Variants in JAKMIP2 observed in about 807,000 individuals in gnomAD.
JAKMIP2 encodes janus kinase and microtubule-interacting protein 2.
In JAKMIP2, 25 loss-of-function variants were observed where a neutral mutation model predicts 115.0. That is an observed-to-expected ratio of 0.22 (90% confidence interval 0.16 to 0.30). The LOEUF (loss-of-function observed/expected upper bound fraction) is 0.30, where lower values mean the gene tolerates loss of function less well. JAKMIP2 is among the 10% of genes least tolerant of loss of function. JAKMIP2 has a pLI of 1.00. For missense variants in JAKMIP2, 642 were observed against 957.6 expected (o/e 0.67, Z 4.35); for synonymous variants, 334 against 343.6 (o/e 0.97, Z 0.31).
At chr5:147,741,107 AC>A (rs1325254719) in intron 1 of JAKMIP2, among the ~76,000 whole-genome samples, 1 of 151,992 alleles carries the variant, frequency 6.6e-6, no homozygotes, top group Non-Finnish European at 1.5e-5. Flanking sequence ...CTGCTGCAAA[AC>A]CCTGATCAAC....
intron 1 of JAKMIP2, among the ~76,000 whole-genome samples, chr5:147,753,362 G>A (rs1442958542): frequency 3.3e-5 from 5 of 152,164 alleles, no homozygotes; most frequent in Admixed American, 6.5e-5. Flanking sequence ...TAGAAACTGA[G>A]GCTTAGAGGA....
chr5:147,602,513 A>G (rs751735694), intron 20 of JAKMIP2, among the ~76,000 whole-genome samples: 1 of 152,084 alleles, frequency 6.6e-6, no homozygotes, highest in Non-Finnish European at 1.5e-5. Flanking sequence ...ATGTTGTTCC[A>G]CCTCCAAGAT....
chr5:147,676,209 G>A (rs943474758), intron 1 of JAKMIP2, among the ~76,000 whole-genome samples: 7 of 152,198 alleles, frequency 4.6e-5, no homozygotes, highest in Non-Finnish European at 8.8e-5. Context: ...GGCGGCCGGC[G>A]CCTGTAGTCC....
At chr5:147,769,756 C>T (rs535088296) in intron 1 of JAKMIP2, among the ~76,000 whole-genome samples, 2 of 150,556 alleles carry the variant, frequency 1.3e-5, no homozygotes, top group South Asian at 4.2e-4. Flanking sequence ...ATCCTATCCT[C>T]CTTGCCTTTT....
intron 2 of JAKMIP2, among the ~76,000 whole-genome samples, chr5:147,665,382 T>G (rs1759242870): frequency 6.6e-6 from 1 of 152,230 alleles, no homozygotes. Flanking sequence ...TTCTATTGAT[T>G]TAGAAACTAC....
At chr5:147,673,537 T>C (rs1022139401) in intron 1 of JAKMIP2, among the ~76,000 whole-genome samples, 1 of 152,112 alleles carries the variant, frequency 6.6e-6, no homozygotes, top group Non-Finnish European at 1.5e-5. Context: ...AGGGAGAGGT[T>C]AGGAGACAGG....
In JAKMIP2 at chr5:147,588,854, C is replaced by T. The variant is rs1754988494; in HGVS notation, c.*2853G>A. 1 of 151,802 alleles carries T rather than the reference C, an allele frequency of 6.6e-6. No individual in the cohort carries two copies. The highest frequency in any genetic ancestry group is 2.1e-4 in the South Asian group (1 of 4,800). 9.4% of individuals were successfully genotyped at this position (151,802 alleles called of 1,614,324 possible). On this transcript the variant is annotated 3_prime_UTR_variant, in exon 22 of 22. Transcript: ENST00000616793. The stretch of plus-strand genomic sequence containing the variant: ...ATTTTCAATCATTTAGAAATAGTTA[C>T]TCATGGAAATAAATTTTGACTTACA...
intron 12 of JAKMIP2, among the ~76,000 whole-genome samples, chr5:147,634,563 G>A (rs1757520109): frequency 6.6e-6 from 1 of 152,122 alleles, no homozygotes; most frequent in Non-Finnish European, 1.5e-5. Context: ...AGAGATTGCT[G>A]GTTCTAGTGG....
intron 21 of JAKMIP2, among the ~76,000 whole-genome samples, chr5:147,599,283 C>T (rs569632134): frequency 6.6e-6 from 1 of 152,244 alleles, no homozygotes; most frequent in African/African-American, 2.4e-5. Flanking sequence ...CTGTAGGTAA[C>T]ATGATTATAA....
At chr5:147,723,874 C>A (rs1461990249) in intron 1 of JAKMIP2, among the ~76,000 whole-genome samples, 1 of 152,018 alleles carries the variant, frequency 6.6e-6, no homozygotes, top group Admixed American at 6.6e-5. Context: ...TGTGTAAAAC[C>A]CCCAAAGAGA....
intron 1 of JAKMIP2, among the ~76,000 whole-genome samples, chr5:147,688,035 C>T (rs1038828241): frequency 2.6e-5 from 4 of 152,082 alleles, no homozygotes; most frequent in Admixed American, 6.6e-5. Context: ...TTGTTTTAAC[C>T]GCTGCATGGT....
chr5:147,752,633 A>C (rs571672029), intron 1 of JAKMIP2, among the ~76,000 whole-genome samples: 1 of 152,242 alleles, frequency 6.6e-6, no homozygotes, highest in South Asian at 2.1e-4. Context: ...TGGCAGCAGG[A>C]GGCTGTGCAG....
intron 1 of JAKMIP2, among the ~76,000 whole-genome samples, chr5:147,753,329 T>TA (rs1754626750): frequency 6.6e-6 from 1 of 152,232 alleles, no homozygotes; most frequent in Non-Finnish European, 1.5e-5. Flanking sequence ...TAGTTGCTGC[T>TA]ATATTAATTC....
At chr5:147,610,536 C>T (rs1240717833) in intron 20 of JAKMIP2, among the ~76,000 whole-genome samples, 1 of 152,164 alleles carries the variant, frequency 6.6e-6, no homozygotes, top group African/African-American at 2.4e-5. Context: ...AAGATTGCTG[C>T]CTGCTCCTTC....
intron 1 of JAKMIP2, among the ~76,000 whole-genome samples, chr5:147,713,824 A>C (rs1752869693): frequency 1.3e-5 from 2 of 152,150 alleles, no homozygotes; most frequent in African/African-American, 4.8e-5. Flanking sequence ...CTTGATTATT[A>C]TTCTTGTTTT....
At chr5:147,761,912 G>T (rs1388985873) in intron 1 of JAKMIP2, among the ~76,000 whole-genome samples, 1 of 152,016 alleles carries the variant, frequency 6.6e-6, no homozygotes, top group Non-Finnish European at 1.5e-5. Context: ...CTAAGCTCAA[G>T]AATTTTACAA....
chr5:147,689,543 T>C (rs1368276493), intron 1 of JAKMIP2, among the ~76,000 whole-genome samples: 1 of 152,008 alleles, frequency 6.6e-6, no homozygotes, highest in Admixed American at 6.6e-5. Context: ...GTAATCCTTT[T>C]TGGGTGGATG....
chr5:147,607,902 G>A (rs938447114), intron 20 of JAKMIP2, among the ~76,000 whole-genome samples: 11 of 152,022 alleles, frequency 7.2e-5, no homozygotes, highest in Non-Finnish European at 1.0e-4. Flanking sequence ...TTTAGCCTTG[G>A]GAGGGTGTAT....
chr5:147,701,717 G>A (rs1030986865), intron 1 of JAKMIP2, among the ~76,000 whole-genome samples: 4 of 152,204 alleles, frequency 2.6e-5, no homozygotes, highest in Non-Finnish European at 5.9e-5. Flanking sequence ...AGAGGCCCAA[G>A]GAGGCTTGTT....
Sources: gnomAD v4.1 joint callset for allele counts (sites outside exome capture counted in the v4.1 genomes callset) on GRCh38, gnomAD v4.1.1 for gene constraint, MANE v1.5 for transcripts, NCBI Gene and HGNC (gene_info 2026-07-23, HGNC 2026-07-21) for gene names.